GATB: variants seen among roughly 807,000 people sequenced by gnomAD.
GATB encodes the protein glutamyl-tRNA amidotransferase subunit B.
In GATB, 39 loss-of-function variants were observed where a neutral mutation model predicts 62.3. That is an observed-to-expected ratio of 0.63 (90% CI 0.48 to 0.82). The LOEUF is 0.82. GATB is among the 40% of genes least tolerant of loss of function. The pLI, the probability that GATB is intolerant of heterozygous loss-of-function variation, is 0.00. For synonymous variants in GATB, 276 were observed against 258.9 expected (o/e 1.07, Z -0.63); for missense variants, 670 against 684.0 (o/e 0.98, Z 0.23).
intron 2 of GATB, among the ~76,000 whole-genome samples, chr4:151,746,920 A>C (rs1739612134): frequency 6.6e-6 from 1 of 152,154 alleles, no homozygotes; most frequent in South Asian, 2.1e-4. Context: ...GCCAAGCTCA[A>C]AGCAAGCAAG....
intron 2 of GATB, among the ~76,000 whole-genome samples, chr4:151,736,465 T>C (rs1349318494): frequency 2.0e-5 from 3 of 152,348 alleles, no homozygotes; most frequent in Middle Eastern, 3.4e-3. Flanking sequence ...TATGTATATT[T>C]ATCAATTTGT....
At chr4:151,689,747 C>T (rs948149892) in intron 9 of GATB, among the ~76,000 whole-genome samples, 7 of 152,084 alleles carry the variant, frequency 4.6e-5, no homozygotes, top group East Asian at 1.9e-4. Flanking sequence ...ACACATGAGG[C>T]GCGCATTCTT....
intron 10 of GATB, among the ~76,000 whole-genome samples, chr4:151,686,444 GTC>G (rs1738246682): frequency 6.6e-6 from 1 of 152,068 alleles, no homozygotes; most frequent in African/African-American, 2.4e-5. Context: ...ATATCTGTCT[GTC>G]TTCACTCCCC....
chr4:151,705,055 A>G, intron 7 of GATB, 130 bp downstream of exon 7: 1 of 631,162 alleles, frequency 1.6e-6, no homozygotes, highest in Non-Finnish European at 2.9e-6. Context: ...TTCTAATTGT[A>G]CTAATGAGGA....
intron 12 of GATB, among the ~76,000 whole-genome samples, chr4:151,671,597 A>C (rs2126949585): frequency 6.6e-6 from 1 of 152,254 alleles, no homozygotes; most frequent in Admixed American, 6.5e-5. Context: ...GCGACGCCAC[A>C]ATGACCGAGG....
At chr4:151,722,189 G>A in intron 2 of GATB, 1 of 702,078 alleles carries the variant, frequency 1.4e-6, no homozygotes, top group Non-Finnish European at 2.6e-6. Context: ...TACAGAATGG[G>A]AAAATTCAAC....
rs772133016 is a variant in GATB at position 151,688,697 on chromosome 4, C to T, written c.1264G>A (p.Val422Met). ...IKETRAEPKK[V>M]TSWVLNTFLG... ...AAAGTGTTGAGGACCCAACTAGTCACCTTTTTTGGCTCTGCCCTAGTTTCT... is the reference window on the plus strand; with the variant it reads ...AAAGTGTTGAGGACCCAACTAGTCATCTTTTTTGGCTCTGCCCTAGTTTCT... The change falls in exon 10 of 13, where the codon GTG becomes ATG. Residue 422 changes from valine to methionine, a missense_variant. By Grantham distance (21) the Val-to-Met change is conservative. Coordinates refer to ENST00000263985, the MANE Select transcript of GATB (RefSeq NM_004564.3). 1 of 1,613,592 alleles carries T rather than the reference C, an allele frequency of 6.2e-7. No individual in the cohort carries two copies. The highest frequency in any genetic ancestry group is 1.1e-5 in the South Asian group (1 of 90,912).
At chr4:151,711,695 T>C (rs1393715194) in intron 5 of GATB, among the ~76,000 whole-genome samples, 1 of 152,228 alleles carries the variant, frequency 6.6e-6, no homozygotes, top group African/African-American at 2.4e-5. Flanking sequence ...AATTAGTTTA[T>C]TTGTTAATGT....
At chr4:151,688,432 AC>A (rs762065945) in intron 10 of GATB, among the ~76,000 whole-genome samples, 197 bp downstream of exon 10, 27 of 152,214 alleles carry the variant, frequency 1.8e-4, no homozygotes. Flanking sequence ...GTGCACAGTC[AC>A]AGATTTGAAG....
In GATB at chr4:151,760,809, T is replaced by C; in HGVS notation, c.174A>G (p.Lys58=). 6.2e-7 allele frequency: 1 copy of C among 1,602,448 alleles called. No individual in the cohort carries two copies. Among genetic ancestry groups the C allele is most frequent in the Non-Finnish European group, 8.5e-7 (1 of 1,174,132 alleles). Reference sequence around the variant, plus strand: ...CAGAAATGTATGAAACAGAATACCCTTTCCTCGTCTTCTGGGCCGTGTGGA... The same window carrying C: ...CAGAAATGTATGAAACAGAATACCCCTTCCTCGTCTTCTGGGCCGTGTGGA... ...QPLHTAQKTR[K]GEHKWAAVVG... The change falls in exon 1 of 13, where the codon AAA becomes AAG. Residue 58 remains lysine, a splice_region_variant and synonymous_variant. Transcript: ENST00000263985.
rs1197070522 is a variant in GATB at position 151,758,874 on chromosome 4, A to C, written c.225T>G (p.Ile75Met). The change falls in exon 2 of 13, where the codon ATT becomes ATG. Residue 75 changes from isoleucine (I) to methionine (M), a missense_variant. By Grantham distance (10) the Ile-to-Met change is conservative (BLOSUM62 1). Transcript: ENST00000263985. ...AVVGLEIHAQ[I>M]SSNSKLFSGS... is the part of the protein sequence containing the mutation. ...CAGAGAAGAGTTTAGAGTTGGAGGA[A>C]ATCTGGGCATGAATTTCCAAACCTA... The C allele has an allele frequency of 6.2e-7, 1 of 1,611,172 alleles. No homozygotes were observed. Among genetic ancestry groups the C allele is most frequent in the Admixed American group, 1.7e-5 (1 of 59,774 alleles).
intron 10 of GATB, among the ~76,000 whole-genome samples, chr4:151,682,522 T>C (rs1181886491): frequency 6.6e-6 from 1 of 152,142 alleles, no homozygotes; most frequent in Non-Finnish European, 1.5e-5. Flanking sequence ...CAGCTCTGTG[T>C]GCTGCTCTCT....
At chr4:151,742,524 A>C (rs182217589) in intron 2 of GATB, among the ~76,000 whole-genome samples, 14 of 152,346 alleles carry the variant, frequency 9.2e-5, no homozygotes, top group East Asian at 7.7e-4. Context: ...ACCTTAATAA[A>C]GTTTCAGCCA....
In GATB at chr4:151,670,865, A is replaced by G. The variant is rs1035813837; in HGVS notation, c.*309T>C. ...TAGAATGGGTAACAGTATCTCCAAC[A>G]TACATTTTATTTAGTTTAAAATTCC... is the stretch of plus-strand genomic sequence containing the variant. On this transcript the variant is annotated 3_prime_UTR_variant, in exon 13 of 13. Transcript: ENST00000263985. 21 of 270,606 alleles carry G rather than the reference A, an allele frequency of 7.8e-5. No homozygotes were observed. Among genetic ancestry groups the G allele is most frequent in the Middle Eastern group, 1.1e-3 (1 of 916 alleles). 16.8% of individuals were successfully genotyped at this position (270,606 alleles called of 1,614,324 possible).
intron 2 of GATB, among the ~76,000 whole-genome samples, chr4:151,742,120 G>A (rs1173612180): frequency 1.4e-5 from 2 of 138,340 alleles, no homozygotes; most frequent in Non-Finnish European, 3.0e-5. Context: ...ACGGAGTCTT[G>A]CTCTTTCGCC....
rs1450761587 is a variant in GATB at position 151,697,961 on chromosome 4, A to ATATATGTGTG, written c.1197+3367_1197+3368insCACACATATA. 2.2e-4 allele frequency among the ~76,000 whole-genome samples: 13 copies of ATATATGTGTG among 58,478 alleles called. 2 individuals carry two copies. The highest frequency in any genetic ancestry group is 1.0e-3 in the East Asian group (2 of 1,986). 38.4% of individuals were successfully genotyped at this position (58,478 alleles called of 152,430 possible). A position where few individuals can be genotyped will look rare whatever the true frequency, so the allele number is the denominator to read the frequency against. On this transcript the variant is annotated intron_variant, in intron 9 of 12. Coordinates refer to ENST00000263985, the MANE Select transcript of GATB (RefSeq NM_004564.3). ...TATGTGTGTGTGTGTGTGTATATAT[A>ATATATGTGTG]TATATATATATATATATATATATAT...
chr4:151,749,404 G>T lies in GATB; in HGVS notation c.327+9368C>A, dbSNP rs554728287. ...AAACCATCATTCTCAGCAAACTATC[G>T]CAAGGACAGAAAACCAAACACCACA... On this transcript the variant is annotated intron_variant, in intron 2 of 12. Coordinates refer to ENST00000263985, the MANE Select transcript of GATB (RefSeq NM_004564.3). Among the ~76,000 whole-genome samples the T allele has an allele frequency of 7.3e-5, 11 of 151,112 alleles. No homozygotes were observed. The South Asian group carries it at 1.3e-3, about 17-fold the overall frequency.
chr4:151,719,324 A>G, intron 3 of GATB, 101 bp downstream of exon 3: 1 of 811,802 alleles, frequency 1.2e-6, no homozygotes, highest in Non-Finnish European at 2.0e-6. Context: ...GCTGGCTGAA[A>G]ACATGAGAGG....
At chr4:151,755,538 T>C (rs922059610) in intron 2 of GATB, among the ~76,000 whole-genome samples, 1 of 152,374 alleles carries the variant, frequency 6.6e-6, no homozygotes, top group East Asian at 1.9e-4. Context: ...AATAAAGTAG[T>C]CAAATTGCCA....
Sources: gnomAD v4.1 joint callset for allele counts (sites outside exome capture counted in the v4.1 genomes callset) on GRCh38, gnomAD v4.1.1 for gene constraint, MANE v1.5 for transcripts, NCBI Gene and HGNC (gene_info 2026-07-23, HGNC 2026-07-21) for gene names.